MALRD1: variants seen among roughly 807,000 people sequenced by gnomAD.
MALRD1 encodes the protein MAM and LDL-receptor class A domain-containing protein 1.
MALRD1 carries 247 observed loss-of-function variants against 242.1 expected under a neutral mutation model. The ratio of observed to expected loss-of-function variants is 1.02; its 90% CI spans 0.92 to 1.13. MALRD1 has a LOEUF of 1.13. MALRD1 is among the 50% of genes most tolerant of loss of function. The pLI is 0.00. For synonymous variants in MALRD1, 995 were observed against 866.6 expected (o/e 1.15, Z -2.60); for missense variants, 2,989 against 2,533.1 (o/e 1.18, Z -3.86).
At chr10:19,671,948 C>A (rs543965398) in intron 36 of MALRD1, among the ~76,000 whole-genome samples, 2 of 151,328 alleles carry the variant, frequency 1.3e-5, no homozygotes, top group East Asian at 3.9e-4. Flanking sequence ...TTCATTTTTT[C>A]TTTTTTCCAA....
chr10:19,688,578 G>T (rs1842696039), intron 36 of MALRD1, among the ~76,000 whole-genome samples: 1 of 152,146 alleles, frequency 6.6e-6, no homozygotes, highest in Admixed American at 6.6e-5. Context: ...TTCTTAATAG[G>T]TAGTTATGGT....
intron 21 of MALRD1, among the ~76,000 whole-genome samples, chr10:19,316,836 G>A (rs1842726826): frequency 6.6e-6 from 1 of 151,724 alleles, no homozygotes; most frequent in Non-Finnish European, 1.5e-5. Flanking sequence ...AAAATAGAAT[G>A]ATTAAGACTT....
intron 32 of MALRD1, among the ~76,000 whole-genome samples, chr10:19,547,818 A>AT (rs869038128): frequency 0.016 from 273 of 16,908 alleles, 35 homozygotes; most frequent in Middle Eastern, 0.17. Flanking sequence ...ATATATATAT[A>AT]TTTTTTTTTT....
intron 28 of MALRD1, among the ~76,000 whole-genome samples, chr10:19,409,523 A>T (rs772235680): frequency 2.6e-5 from 4 of 152,168 alleles, no homozygotes; most frequent in Non-Finnish European, 1.5e-5. Context: ...GGGAAATGGG[A>T]TAGGAGAAAA....
At chr10:19,562,345 T>TAGATAGATAGA (rs1564442801) in intron 32 of MALRD1, among the ~76,000 whole-genome samples, 3 of 82,714 alleles carry the variant, frequency 3.6e-5, no homozygotes, top group Non-Finnish European at 7.2e-5. Flanking sequence ...AGATAGATAG[T>TAGATAGATAGA]TAGATAGATA....
intron 18 of MALRD1, among the ~76,000 whole-genome samples, chr10:19,246,258 C>T (rs9664189): frequency 0.011 from 1,716 of 152,206 alleles, 32 homozygotes; most frequent in African/African-American, 0.039. Context: ...ATTTTGATAA[C>T]CAGCTAGCAT....
At chr10:19,476,999 T>C (rs1222950524) in intron 29 of MALRD1, among the ~76,000 whole-genome samples, 1 of 152,208 alleles carries the variant, frequency 6.6e-6, no homozygotes, top group Non-Finnish European at 1.5e-5. Context: ...CATCTCATTT[T>C]TTAGGATCAA....
At chr10:19,449,742 T>G (rs2131034718) in intron 28 of MALRD1, among the ~76,000 whole-genome samples, 1 of 152,298 alleles carries the variant, frequency 6.6e-6, no homozygotes, top group South Asian at 2.1e-4. Context: ...GGTACTATGC[T>G]TAGTACCTGG....
intron 13 of MALRD1, among the ~76,000 whole-genome samples, chr10:19,171,246 A>G (rs1185465383): frequency 1.3e-5 from 2 of 151,552 alleles, no homozygotes; most frequent in Admixed American, 6.6e-5. Flanking sequence ...GAGTCATCTA[A>G]TTCAATTTAA....
chr10:19,301,500 T>A (rs1330997784), intron 21 of MALRD1, among the ~76,000 whole-genome samples: 1 of 151,848 alleles, frequency 6.6e-6, no homozygotes, highest in Non-Finnish European at 1.5e-5. Context: ...AGAGAAAATG[T>A]ACATATATAC....
chr10:19,234,970 A>G (rs975754460), intron 18 of MALRD1, among the ~76,000 whole-genome samples: 6 of 152,170 alleles, frequency 3.9e-5, no homozygotes, highest in Admixed American at 1.3e-4. Flanking sequence ...GCAAATCTAC[A>G]TGGATGGGAA....
At chr10:19,559,821 T>C (rs1228533002) in intron 32 of MALRD1, among the ~76,000 whole-genome samples, 2 of 152,104 alleles carry the variant, frequency 1.3e-5, no homozygotes, top group East Asian at 3.9e-4. Flanking sequence ...CATCGAACCA[T>C]GGACAAAGGA....
intron 18 of MALRD1, among the ~76,000 whole-genome samples, chr10:19,246,510 G>T (rs1236889154): frequency 6.6e-6 from 1 of 152,106 alleles, no homozygotes; most frequent in Non-Finnish European, 1.5e-5. Flanking sequence ...TGGAATTTCT[G>T]ACCTAATGCT....
chr10:19,193,336 G>C (rs560961002), intron 14 of MALRD1, among the ~76,000 whole-genome samples: 1 of 152,022 alleles, frequency 6.6e-6, no homozygotes, highest in Non-Finnish European at 1.5e-5. Flanking sequence ...CAGGAGGATC[G>C]CTTAAGCCCA....
At chr10:19,083,718 C>T (rs1203352704) in intron 2 of MALRD1, among the ~76,000 whole-genome samples, 5 of 151,880 alleles carry the variant, frequency 3.3e-5, no homozygotes, top group Non-Finnish European at 7.4e-5. Context: ...CCAGGCTTCA[C>T]ATGAATGCAA....
intron 23 of MALRD1, among the ~76,000 whole-genome samples, chr10:19,330,426 C>T (rs1285855397): frequency 1.3e-5 from 2 of 151,944 alleles, no homozygotes; most frequent in Non-Finnish European, 2.9e-5. Flanking sequence ...AATATGGTAA[C>T]AGTAAATATT....
chr10:19,075,676 G>A (rs1835295809), intron 2 of MALRD1, among the ~76,000 whole-genome samples: 1 of 151,974 alleles, frequency 6.6e-6, no homozygotes, highest in Admixed American at 6.6e-5. Flanking sequence ...TTCATCCTCA[G>A]GGCCTTCAGA....
chr10:19,498,341 A>G (rs1487105894), intron 30 of MALRD1, 144 bp from the exon 31 acceptor site: 7 of 690,830 alleles, frequency 1.0e-5, no homozygotes, highest in East Asian at 5.5e-5. Context: ...AATATTAACA[A>G]TGAGTACAAA....
intron 38 of MALRD1, among the ~76,000 whole-genome samples, chr10:19,718,506 C>G (rs1834525393): frequency 6.6e-6 from 1 of 152,190 alleles, no homozygotes; most frequent in South Asian, 2.1e-4. Flanking sequence ...TCACTCATCA[C>G]CTAGGCGATG....
Sources: gnomAD v4.1 joint callset for allele counts (sites outside exome capture counted in the v4.1 genomes callset) on GRCh38, gnomAD v4.1.1 for gene constraint, MANE v1.5 for transcripts, NCBI Gene and HGNC (gene_info 2026-07-23, HGNC 2026-07-21) for gene names.